SSTR3: variants seen among roughly 807,000 people sequenced by gnomAD.
SSTR3 encodes the protein somatostatin receptor 3.
For missense variants in SSTR3, 504 were observed against 604.7 expected (o/e 0.83, Z 1.75); for synonymous variants, 281 against 269.2 (o/e 1.04, Z -0.43).
At position 37,206,061 on chromosome 22, in the gene SSTR3, C is replaced by T. The variant is rs1925714836; in HGVS notation, c.*486G>A. 1 of 155,338 alleles carries T rather than the reference C, an allele frequency of 6.4e-6. No homozygotes were observed. Among genetic ancestry groups the T allele is most frequent in the Non-Finnish European group, 1.4e-5 (1 of 70,356 alleles). 9.6% of individuals were successfully genotyped at this position (155,338 alleles called of 1,614,324 possible). A position where few individuals can be genotyped will look rare whatever the true frequency, so the allele number is the denominator to read the frequency against. On this transcript the variant is annotated 3_prime_UTR_variant, in exon 2 of 2. Coordinates refer to ENST00000610913, the MANE Select transcript of SSTR3 (RefSeq NM_001051.5). ...TCGAGGGGAGGGAGCTGATCTGGGG[C>T]CTGACCATTTCTGCCCCACTCCTCC...
intron 1 of SSTR3, among the ~76,000 whole-genome samples, chr22:37,209,938 A>C (rs528948243): frequency 2.6e-5 from 4 of 152,368 alleles, no homozygotes; most frequent in African/African-American, 4.8e-5. Flanking sequence ...CAGGCAGAGA[A>C]TCTTACAGCC....
At chr22:37,217,779 T>C in the SSTR3 span, among the ~76,000 whole-genome samples, 1 of 152,096 alleles carries the variant, frequency 6.6e-6, no homozygotes, top group Admixed American at 6.5e-5. Context: ...TCTCAGCTCA[T>C]TGCAACCTCC....
chr22:37,215,016 C>T (rs1165295664), upstream of SSTR3, among the ~76,000 whole-genome samples: 1 of 152,204 alleles, frequency 6.6e-6, no homozygotes, highest in Non-Finnish European at 1.5e-5. Flanking sequence ...CCAACACTCC[C>T]TCCTTCAGGA....
chr22:37,212,009 G>A lies in SSTR3; in HGVS notation c.-221C>T. 1 of 985,784 alleles carries A rather than the reference G, an allele frequency of 1.0e-6. No homozygotes were observed. The highest frequency in any genetic ancestry group is 1.2e-6 in the Non-Finnish European group (1 of 830,222). The allele number at this position is 985,784 out of a possible 1,614,324, so 61.1% of individuals were successfully genotyped here. Reference sequence around the variant, plus strand: ...AGGCCCTCGGCCACGGCTGTCCACAGAGCCTCTCCCATCTGGTCTCCGGCC... The same window carrying A: ...AGGCCCTCGGCCACGGCTGTCCACAAAGCCTCTCCCATCTGGTCTCCGGCC... On this transcript the variant is annotated 5_prime_UTR_variant, in exon 1 of 2. Coordinates refer to ENST00000610913, the MANE Select transcript of SSTR3 (RefSeq NM_001051.5).
At position 37,212,165 on chromosome 22, in the gene SSTR3, G is replaced by A; in HGVS notation, c.-377C>T. ...GAAGAGGGGAGCAAGGGACACAGAA[G>A]CCAATAGAAATAGAGGGGAAAGGGG... On this transcript the variant is annotated 5_prime_UTR_variant, in exon 1 of 2. Coordinates refer to ENST00000610913, the MANE Select transcript of SSTR3 (RefSeq NM_001051.5). 2 of 984,606 alleles carry A rather than the reference G, an allele frequency of 2.0e-6. No homozygotes were observed. Among genetic ancestry groups the A allele is most frequent in the South Asian group, 4.7e-5 (1 of 21,218 alleles). The allele number at this position is 984,606 out of a possible 1,614,324, so 61.0% of individuals were successfully genotyped here.
Position 37,212,091 on chromosome 22 carries a change from G to T in SSTR3, c.-303C>A. 2.0e-6 allele frequency: 2 copies of T among 985,648 alleles called. No individual in the cohort carries two copies. The highest frequency in any genetic ancestry group is 2.4e-6 in the Non-Finnish European group (2 of 830,134). The allele number at this position is 985,648 out of a possible 1,614,324, so 61.1% of individuals were successfully genotyped here. ...CCCCCATCTCCAGGACACATCCTGG[G>T]GGGGCAGGGGCAAGGATAGGGGGGA... On this transcript the variant is annotated 5_prime_UTR_variant, in exon 1 of 2. Transcript: ENST00000610913.
Position 37,207,518 on chromosome 22 carries a change from C to T in SSTR3, c.286G>A (p.Gly96Arg). Residue 96 changes from glycine (G) to arginine (R), a missense_variant, in exon 2 of 2, where the codon GGG becomes AGG. Physicochemically the swap from Gly to Arg is moderately radical, Grantham distance 125 (BLOSUM62 -2). Transcript: ENST00000610913. ...LALADELFMLGLPFLAAQNAL... is the reference protein window; with the variant it reads ...LALADELFMLRLPFLAAQNAL... ...TTCTGGGCGGCCAGGAAGGGCAGCC[C>T]CAGCATGAAGAGCTCGTCGGCCAGC... The T allele has an allele frequency of 6.2e-7, 1 of 1,613,682 alleles. No homozygotes were observed. The highest frequency in any genetic ancestry group is 8.5e-7 in the Non-Finnish European group (1 of 1,180,006).
In SSTR3 at chr22:37,207,638, C is replaced by A; in HGVS notation, c.166G>T (p.Val56Leu). Residue 56 changes from valine (V) to leucine (L), a missense_variant, in exon 2 of 2, where the codon GTG becomes TTG. Val to Leu is a conservative substitution (Grantham distance 32, BLOSUM62 1). Transcript: ENST00000610913. ...AGCGAGTTACCCAGCAGGCCCACCA[C>A]GCACACCACCAGGTAGACCAGGGGG... The part of the protein sequence containing the change: ...LIPLVYLVVC[V>L]VGLLGNSLVI... 2 of 1,599,792 alleles carry A rather than the reference C, an allele frequency of 1.3e-6. No homozygotes were observed. The highest frequency in any genetic ancestry group is 8.5e-7 in the Non-Finnish European group (1 of 1,170,542).
At chr22:37,216,991 G>C (rs1383712894), upstream of SSTR3, among the ~76,000 whole-genome samples, 1 of 152,092 alleles carries the variant, frequency 6.6e-6, no homozygotes, top group African/African-American at 2.4e-5. Context: ...GGTAGAGATG[G>C]GGTTTTGCCA....
rs1434849843 is a variant in SSTR3 at position 37,212,340 on chromosome 22, A to G, written c.-552T>C. 1 of 155,902 alleles carries G rather than the reference A, an allele frequency of 6.4e-6. No individual in the cohort carries two copies. The highest frequency in any genetic ancestry group is 2.4e-5 in the African/African-American group (1 of 41,038). 9.7% of individuals were successfully genotyped at this position (155,902 alleles called of 1,614,324 possible). ...GACAGGGAGAAGACGAGAAGGAAAGAGAGGAGAGGAGACACGGGTGAGAGG... is the reference window on the plus strand; with the variant it reads ...GACAGGGAGAAGACGAGAAGGAAAGGGAGGAGAGGAGACACGGGTGAGAGG... On this transcript the variant is annotated 5_prime_UTR_variant, in exon 1 of 2. Coordinates refer to ENST00000610913, the MANE Select transcript of SSTR3 (RefSeq NM_001051.5).
At chr22:37,210,533 C>T (rs917430106) in intron 1 of SSTR3, 22 of 985,358 alleles carry the variant, frequency 2.2e-5, no homozygotes, top group African/African-American at 3.5e-5. Context: ...TTTCCACGCA[C>T]GTAAGCCAGA....
chr22:37,211,492 C>T (rs1474487189), intron 1 of SSTR3, among the ~76,000 whole-genome samples: 4 of 152,172 alleles, frequency 2.6e-5, no homozygotes, highest in Non-Finnish European at 5.9e-5. Flanking sequence ...TAAACGGAGG[C>T]GTGCCAAGCA....
intron 1 of SSTR3, chr22:37,210,530 G>A (rs1926128552): frequency 3.0e-6 from 3 of 985,360 alleles, no homozygotes; most frequent in African/African-American, 1.7e-5. Flanking sequence ...AGCTTTCCAC[G>A]CACGTAAGCC....
chr22:37,212,120 G>T lies in SSTR3; in HGVS notation c.-332C>A, dbSNP rs540506291. 7 of 985,240 alleles carry T rather than the reference G, an allele frequency of 7.1e-6. No individual in the cohort carries two copies. The Admixed American group carries it at 4.3e-4, about 60-fold the overall frequency. 61.0% of individuals were successfully genotyped at this position (985,240 alleles called of 1,614,324 possible). ...GCAGGGGCAAGGATAGGGGGGAGAAGCTTCCCAGGGTGAGGAAGAGAAGAG... is the reference window on the plus strand; with the variant it reads ...GCAGGGGCAAGGATAGGGGGGAGAATCTTCCCAGGGTGAGGAAGAGAAGAG... On this transcript the variant is annotated 5_prime_UTR_variant, in exon 1 of 2. Transcript: ENST00000610913.
intron 1 of SSTR3, among the ~76,000 whole-genome samples, chr22:37,210,079 C>T (rs1417561769): frequency 2.6e-5 from 4 of 152,348 alleles, no homozygotes; most frequent in Admixed American, 6.5e-5. Flanking sequence ...AGGGGACCCG[C>T]GTCACCATCC....
the SSTR3 span, among the ~76,000 whole-genome samples, chr22:37,218,795 A>AAG: frequency 6.6e-6 from 1 of 151,832 alleles, no homozygotes; most frequent in Non-Finnish European, 1.5e-5. Context: ...CGTAATGGAA[A>AAG]AGAGAAGACC....
chr22:37,219,995 TTAGGTGGCCAGGACTCAC>T, the SSTR3 span, among the ~76,000 whole-genome samples: 1 of 152,148 alleles, frequency 6.6e-6, no homozygotes, highest in African/African-American at 2.4e-5. Flanking sequence ...TCTGCATGGA[TTAGGTGGCCAGGACTCAC>T]TAGGGCCTTA....
intron 1 of SSTR3, chr22:37,210,869 A>T (rs558269543): frequency 2.0e-6 from 2 of 985,488 alleles, no homozygotes; most frequent in Non-Finnish European, 2.4e-6. Context: ...AGAACCTAGG[A>T]CATCACCCAG....
chr22:37,210,109 T>C (rs1235811813), intron 1 of SSTR3, among the ~76,000 whole-genome samples: 3 of 152,226 alleles, frequency 2.0e-5, no homozygotes, highest in African/African-American at 7.2e-5. Context: ...CCCTGTGCTG[T>C]GCACAGATCC....
Sources: gnomAD v4.1 joint callset for allele counts (sites outside exome capture counted in the v4.1 genomes callset) on GRCh38, gnomAD v4.1.1 for gene constraint, MANE v1.5 for transcripts, NCBI Gene and HGNC (gene_info 2026-07-23, HGNC 2026-07-21) for gene names.